RELN: variants seen among roughly 807,000 people sequenced by gnomAD.
RELN encodes reelin.
Under a neutral mutation model 427.6 loss-of-function variants are expected in RELN, and 108 were observed. That is an observed-to-expected ratio of 0.25 (90% CI 0.22 to 0.30). The LOEUF (loss-of-function observed/expected upper bound fraction) is 0.30. Among genes scored for constraint, RELN ranks in the 10% least tolerant of loss-of-function variants. The probability of loss-of-function intolerance (pLI) is 1.00; values close to 1 mark genes in which losing one functional copy is unlikely to be tolerated. For missense variants in RELN, 3,715 were observed against 4,302.8 expected, an observed-to-expected ratio of 0.86 and a Z score of 3.82; for synonymous variants, 1,524 against 1,513.4, an observed-to-expected ratio of 1.01 and a Z score of -0.16.
At chr7:103,619,486 C>A (rs897597874) in intron 20 of RELN, among the ~76,000 whole-genome samples, 9 of 152,174 alleles carry the variant, frequency 5.9e-5, no homozygotes, top group Non-Finnish European at 1.2e-4. Flanking sequence ...ATTCCAGATG[C>A]CAGCAGCTAA....
At chr7:103,696,462 T>C (rs1191080133) in intron 10 of RELN, among the ~76,000 whole-genome samples, 2 of 152,154 alleles carry the variant, frequency 1.3e-5, no homozygotes, top group East Asian at 1.9e-4. Flanking sequence ...ATAATCAAAA[T>C]TGATATGTCC....
intron 3 of RELN, among the ~76,000 whole-genome samples, chr7:103,825,108 A>G (rs901346575): frequency 6.6e-5 from 10 of 152,140 alleles, no homozygotes; most frequent in Non-Finnish European, 1.3e-4. Flanking sequence ...TTCAAATTCC[A>G]TTAATGCTCA....
chr7:103,854,593 C>T lies in RELN; in HGVS notation c.338-20921G>A, dbSNP rs1014974168. On this transcript the variant is annotated intron_variant, in intron 2 of 64. Transcript: ENST00000428762. ...GACTTAGTATGAAAAAATATCATCT[C>T]CCTTGTGACTTTCTGAGATGAGGGA... Among the ~76,000 whole-genome samples the T allele has an allele frequency of 2.0e-5, 3 of 152,264 alleles. No homozygotes were observed. The South Asian group carries it at 6.2e-4, about 32-fold the overall frequency.
Position 103,989,289 on chromosome 7 carries a change from G to A in RELN, c.68C>T (p.Ala23Val), listed in dbSNP as rs370745351. ...GGGGTAATAGCCAGCCGCCGCGCGC[G>A]CCCTCAGCGTCGCCCCCAGCAACAG... ...LALLLGATLRARAAAGYYPRF... is the reference protein window; with the variant it reads ...LALLLGATLRVRAAAGYYPRF... Residue 23 changes from alanine (A) to valine (V), a missense_variant, in exon 1 of 65, where the codon GCG (alanine) becomes GTG (valine). This residue lies in a region of RELN where 2,208 missense variants were observed against 2,361.7 expected (regional missense o/e 0.93). Coordinates refer to ENST00000428762, the MANE Select transcript of RELN (RefSeq NM_005045.4). The surrounding 1 kb of genome is among the most constrained non-coding windows in gnomAD (Gnocchi z 4.9). 10 of 1,612,590 alleles carry A rather than the reference G, an allele frequency of 6.2e-6. No individual in the cohort carries two copies. Among genetic ancestry groups the A allele is most frequent in the African/African-American group, 2.7e-5 (2 of 74,808 alleles).
intron 2 of RELN, among the ~76,000 whole-genome samples, chr7:103,852,932 T>C (rs1793860092): frequency 6.6e-6 from 1 of 151,964 alleles, no homozygotes; most frequent in African/African-American, 2.4e-5. Context: ...ACAATACTTT[T>C]TAAAAAGACA....
At chr7:103,536,158 T>C (rs1830046116) in intron 45 of RELN, among the ~76,000 whole-genome samples, 1 of 152,180 alleles carries the variant, frequency 6.6e-6, no homozygotes, top group African/African-American at 2.4e-5. Context: ...TGCTGTGTTA[T>C]AGAATATATA....
At chr7:103,637,405 C>G (rs1832605550) in intron 17 of RELN, among the ~76,000 whole-genome samples, 2 of 152,148 alleles carry the variant, frequency 1.3e-5, no homozygotes. Context: ...TGAAGTGATA[C>G]TATGGCATGA....
At chr7:103,969,110 C>T (rs1796712769) in intron 1 of RELN, among the ~76,000 whole-genome samples, 2 of 151,476 alleles carry the variant, frequency 1.3e-5, no homozygotes, top group East Asian at 3.9e-4. Flanking sequence ...TTCCAACTAT[C>T]CTTGTTTTCC....
At chr7:103,896,957 G>C (rs1360518276) in intron 2 of RELN, among the ~76,000 whole-genome samples, 2 of 152,010 alleles carry the variant, frequency 1.3e-5, no homozygotes, top group Admixed American at 1.3e-4. Context: ...CACGTGGCTG[G>C]GGAGGCCTCA....
chr7:103,916,635 T>G (rs576485963), intron 2 of RELN, among the ~76,000 whole-genome samples: 63 of 152,202 alleles, frequency 4.1e-4, no homozygotes, highest in Admixed American at 2.4e-3. Context: ...CTCAATAATT[T>G]TATCAAATAT....
At chr7:103,660,061 A>G (rs945939249) in intron 12 of RELN, among the ~76,000 whole-genome samples, 1 of 152,184 alleles carries the variant, frequency 6.6e-6, no homozygotes, top group Non-Finnish European at 1.5e-5. Flanking sequence ...AATCTTATAT[A>G]AAGACAATTA....
At position 103,572,229 on chromosome 7, in the gene RELN, T is replaced by G; in HGVS notation, c.4543A>C (p.Lys1515Gln). The G allele has an allele frequency of 6.3e-7, 1 of 1,594,118 alleles. No individual in the cohort carries two copies. Among genetic ancestry groups the G allele is most frequent in the East Asian group, 2.2e-5 (1 of 44,760 alleles). The change falls in exon 31 of 65, where the codon AAA (lysine) becomes CAA (glutamine). Residue 1515 changes from lysine (K) to glutamine (Q), a missense_variant. By Grantham distance (53) the Lys-to-Gln change is moderately conservative. This residue lies in a region of RELN where 2,208 missense variants were observed against 2,361.7 expected (regional missense o/e 0.93). Coordinates refer to ENST00000428762, the MANE Select transcript of RELN (RefSeq NM_005045.4). Reference sequence around the variant, plus strand: ...TTGATGCAGGTAATGCCTGAAGTTTTGCTTCCAATTTGTATATAAAATTGA... The same window carrying G: ...TTGATGCAGGTAATGCCTGAAGTTTGGCTTCCAATTTGTATATAAAATTGA... The part of the protein sequence containing the change: ...LVQFYIQIGS[K>Q]TSGITCIKPR...
At chr7:103,971,417 TAAGTA>T (rs1211849821) in intron 1 of RELN, among the ~76,000 whole-genome samples, 1 of 152,024 alleles carries the variant, frequency 6.6e-6, no homozygotes, top group Non-Finnish European at 1.5e-5. Context: ...ACTTTAAAAA[TAAGTA>T]AAGGATTTAA....
chr7:103,575,495 C>T, intron 29 of RELN, 53 bp downstream of exon 29: 2 of 1,533,648 alleles, frequency 1.3e-6, no homozygotes, highest in Non-Finnish European at 1.8e-6. Context: ...AACACAGCAA[C>T]TAGAGATGAC....
chr7:103,812,065 T>C (rs188424607), intron 3 of RELN, among the ~76,000 whole-genome samples: 11 of 152,342 alleles, frequency 7.2e-5, no homozygotes, highest in African/African-American at 2.2e-4. Flanking sequence ...CACAGCCACT[T>C]TGTTTTCTTA....
intron 51 of RELN, chr7:103,504,644 CG>C (rs1488635995): frequency 6.6e-6 from 1 of 152,372 alleles, no homozygotes; most frequent in Non-Finnish European, 1.5e-5. Flanking sequence ...CACAAGGGGT[CG>C]GGGGATTTCC....
intron 1 of RELN, among the ~76,000 whole-genome samples, chr7:103,950,139 G>C (rs1796304643): frequency 6.6e-6 from 1 of 152,126 alleles, no homozygotes; most frequent in Non-Finnish European, 1.5e-5. Context: ...TGATGGAAGG[G>C]CTAGTAGCTT....
At chr7:103,553,978 G>T in intron 38 of RELN, 147 bp from the exon 39 acceptor site, 1 of 714,486 alleles carries the variant, frequency 1.4e-6, no homozygotes, top group Non-Finnish European at 2.4e-6. Context: ...TTGAGCCCAG[G>T]AGTTCAAGAC....
At chr7:103,886,826 G>A (rs1293196448) in intron 2 of RELN, among the ~76,000 whole-genome samples, 4 of 152,166 alleles carry the variant, frequency 2.6e-5, no homozygotes, top group African/African-American at 7.2e-5. Context: ...GTCCTACAGA[G>A]TATATACTTT....
Sources: gnomAD v4.1 joint callset for allele counts (sites outside exome capture counted in the v4.1 genomes callset) on GRCh38, gnomAD v4.1.1 for gene constraint, gnomAD v4.1.1 regional missense constraint, Gnocchi (gnomAD v3.1) non-coding constraint, MANE v1.5 for transcripts, NCBI Gene and HGNC (gene_info 2026-07-23, HGNC 2026-07-21) for gene names.